The following NGF variants were observed in gnomAD, a reference collection of about 807,000 sequenced individuals.
The protein encoded by NGF is nerve growth factor.
Under a neutral mutation model 12.8 loss-of-function variants are expected in NGF, and 4 were observed. The ratio of observed to expected loss-of-function variants is 0.31; its 90% CI spans 0.15 to 0.72. The LOEUF is 0.72. Among genes scored for constraint, NGF ranks in the 30% least tolerant of loss-of-function variants. The pLI is 0.69. For missense variants in NGF, 283 were observed against 330.8 expected, an observed-to-expected ratio of 0.86 and a Z score of 1.12; for synonymous variants, 140 against 130.0, an observed-to-expected ratio of 1.08 and a Z score of -0.52.
intron 1 of NGF, among the ~76,000 whole-genome samples, chr1:115,306,404 A>G (rs892289125): frequency 1.3e-5 from 2 of 152,198 alleles, no homozygotes; most frequent in Non-Finnish European, 2.9e-5. Flanking sequence ...GCTTCATATA[A>G]CAGAAGTAAA....
intron 1 of NGF, among the ~76,000 whole-genome samples, chr1:115,300,470 G>A (rs1654002320): frequency 6.6e-6 from 1 of 152,168 alleles, no homozygotes; most frequent in South Asian, 2.1e-4. Context: ...AAAAATTGCT[G>A]CACCTCTACC....
intron 1 of NGF, among the ~76,000 whole-genome samples, chr1:115,334,455 A>G (rs77838954): frequency 0.16 from 24,298 of 151,998 alleles, 2,357 homozygotes; most frequent in East Asian, 0.38. Flanking sequence ...TTCTTTTCCC[A>G]TGGGTCATTT....
intron 1 of NGF, among the ~76,000 whole-genome samples, chr1:115,299,660 A>G (rs941584694): frequency 1.3e-5 from 2 of 152,248 alleles, no homozygotes; most frequent in Non-Finnish European, 2.9e-5. Context: ...TCCTTGTAGT[A>G]TAGCCCCTCA....
At chr1:115,309,976 A>G (rs1437568986) in intron 1 of NGF, among the ~76,000 whole-genome samples, 1 of 152,246 alleles carries the variant, frequency 6.6e-6, no homozygotes. Flanking sequence ...CTGCTACTAA[A>G]TGATTTATAA....
chr1:115,326,240 G>C (rs1654773682), intron 1 of NGF, among the ~76,000 whole-genome samples: 1 of 152,162 alleles, frequency 6.6e-6, no homozygotes, highest in Non-Finnish European at 1.5e-5. Context: ...AGGGACATGT[G>C]TATTCCTGAG....
intron 1 of NGF, among the ~76,000 whole-genome samples, chr1:115,314,117 G>A (rs1251009393): frequency 1.3e-5 from 2 of 152,194 alleles, no homozygotes; most frequent in African/African-American, 4.8e-5. Flanking sequence ...TGATTCTGTA[G>A]AAGTGTAGCA....
chr1:115,332,081 C>T (rs1401469998), intron 1 of NGF, among the ~76,000 whole-genome samples: 1 of 152,192 alleles, frequency 6.6e-6, no homozygotes, highest in Non-Finnish European at 1.5e-5. Context: ...TTCTTGTAAA[C>T]TTGAAGAATT....
intron 1 of NGF, among the ~76,000 whole-genome samples, chr1:115,326,984 T>C (rs1654796375): frequency 1.3e-5 from 2 of 152,212 alleles, no homozygotes; most frequent in South Asian, 4.1e-4. Context: ...ATTATACCAC[T>C]AGTAAGATTC....
At chr1:115,294,668 C>T (rs969826287) in intron 1 of NGF, among the ~76,000 whole-genome samples, 6 of 152,166 alleles carry the variant, frequency 3.9e-5, no homozygotes, top group East Asian at 1.9e-4. Context: ...GGACGCTCAG[C>T]GAGGAGCTCT....
intron 1 of NGF, among the ~76,000 whole-genome samples, chr1:115,324,606 C>G (rs1465256691): frequency 6.6e-6 from 1 of 152,120 alleles, no homozygotes; most frequent in Non-Finnish European, 1.5e-5. Flanking sequence ...CAGCTTGGGT[C>G]TCTGTCCTAT....
At chr1:115,320,393 G>A (rs1024846221) in intron 1 of NGF, among the ~76,000 whole-genome samples, 3 of 152,120 alleles carry the variant, frequency 2.0e-5, no homozygotes, top group African/African-American at 7.2e-5. Flanking sequence ...CTACTCTTGT[G>A]CTTTGGGGCC....
chr1:115,319,808 G>A (rs912800799), intron 1 of NGF, among the ~76,000 whole-genome samples: 2 of 152,138 alleles, frequency 1.3e-5, no homozygotes, highest in African/African-American at 4.8e-5. Flanking sequence ...GAAGAACAAT[G>A]TCAGCCTAGC....
At chr1:115,301,229 T>C (rs1288020338) in intron 1 of NGF, among the ~76,000 whole-genome samples, 1 of 152,114 alleles carries the variant, frequency 6.6e-6, no homozygotes, top group Non-Finnish European at 1.5e-5. Context: ...CAGAACATTG[T>C]GAGTAATTAG....
intron 1 of NGF, among the ~76,000 whole-genome samples, chr1:115,304,878 T>C (rs934182901): frequency 1.3e-5 from 2 of 152,130 alleles, no homozygotes; most frequent in Admixed American, 1.3e-4. Context: ...CCTCAGCCAC[T>C]GGTTCAGACT....
intron 1 of NGF, among the ~76,000 whole-genome samples, chr1:115,317,126 G>A (rs1654494738): frequency 6.6e-6 from 1 of 151,712 alleles, no homozygotes; most frequent in South Asian, 2.1e-4. Context: ...AAAAAAAAAT[G>A]CAGTTTTGCA....
chr1:115,300,877 G>A (rs1238841895), intron 1 of NGF, among the ~76,000 whole-genome samples: 1 of 152,196 alleles, frequency 6.6e-6, no homozygotes, highest in Non-Finnish European at 1.5e-5. Flanking sequence ...CTCCTATTAT[G>A]CAGTAACACA....
chr1:115,329,146 A>G (rs1654845625), intron 1 of NGF, among the ~76,000 whole-genome samples: 1 of 151,574 alleles, frequency 6.6e-6, no homozygotes, highest in Admixed American at 6.6e-5. Flanking sequence ...GGAGAGGAAG[A>G]AGAGAAGGAG....
intron 1 of NGF, among the ~76,000 whole-genome samples, chr1:115,337,127 C>A (rs1410805539): frequency 6.6e-6 from 1 of 152,128 alleles, no homozygotes; most frequent in Non-Finnish European, 1.5e-5. Context: ...CGAACTGTTA[C>A]AACTTCCAAC....
chr1:115,311,466 C>T (rs929269925), intron 1 of NGF, among the ~76,000 whole-genome samples: 1 of 152,086 alleles, frequency 6.6e-6, no homozygotes, highest in African/African-American at 2.4e-5. Flanking sequence ...ACTTCTCCCA[C>T]AAGGGACATT....
Sources: gnomAD v4.1 joint callset for allele counts (sites outside exome capture counted in the v4.1 genomes callset) on GRCh38, gnomAD v4.1.1 for gene constraint, MANE v1.5 for transcripts, NCBI Gene and HGNC (gene_info 2026-07-23, HGNC 2026-07-21) for gene names.